The following PIP5K1A variants were observed in gnomAD, a reference collection of about 807,000 sequenced individuals.
PIP5K1A encodes the protein phosphatidylinositol 4-phosphate 5-kinase type-1 alpha.
A neutral mutation model predicts 72.9 loss-of-function variants in PIP5K1A; 46 were observed. The observed-to-expected ratio is 0.63, with a 90% CI of 0.50 to 0.81. The LOEUF (loss-of-function observed/expected upper bound fraction) is 0.81. Ranked by LOEUF, PIP5K1A falls within the 30% of genes least tolerant of loss-of-function variation. The probability of loss-of-function intolerance (pLI) is 0.00; values close to 1 mark genes in which losing one functional copy is unlikely to be tolerated. For missense variants in PIP5K1A, 458 were observed against 706.1 expected (o/e 0.65, Z 3.98); for synonymous variants, 228 against 255.1 (o/e 0.89, Z 1.01).
chr1:151,224,465 A>G, intron 3 of PIP5K1A, 59 bp downstream of exon 3: 3 of 1,201,186 alleles, frequency 2.5e-6, no homozygotes, highest in Non-Finnish European at 3.7e-6. Context: ...TATTAACAAT[A>G]TCTCACATTT....
chr1:151,198,316 C>G (rs1262384024), upstream of PIP5K1A, among the ~76,000 whole-genome samples: 1 of 151,940 alleles, frequency 6.6e-6, no homozygotes, highest in Non-Finnish European at 1.5e-5. Flanking sequence ...ACTCTTGTCC[C>G]GAGTTCAGAT....
In PIP5K1A at chr1:151,239,271, T is replaced by G. The variant is rs1691323202; in HGVS notation, c.1278+93T>G. 6.1e-6 allele frequency: 5 copies of G among 813,064 alleles called. No homozygotes were observed. In the Admixed American group the frequency reaches 1.2e-4, roughly 20 times the overall value. 50.4% of individuals were successfully genotyped at this position (813,064 alleles called of 1,614,324 possible). A position where few individuals can be genotyped will look rare whatever the true frequency, so the allele number is the denominator to read the frequency against. On this transcript the variant is annotated intron_variant, in intron 11 of 15. Coordinates refer to ENST00000368888, the MANE Select transcript of PIP5K1A (RefSeq NM_001135638.2). ...TTTCTTGCAATTTTTTCTTTTTTCT[T>G]TTTTCTTTTTTTTTTTTTTGAGACA...
At chr1:151,232,216 C>A in intron 5 of PIP5K1A, 32 bp from the exon 6 acceptor site, 1 of 1,421,856 alleles carries the variant, frequency 7.0e-7, no homozygotes, top group Non-Finnish European at 1.0e-6. Flanking sequence ...TAGGGACTGG[C>A]AAGTTATGGC....
chr1:151,205,634 C>T (rs980925129), intron 1 of PIP5K1A, among the ~76,000 whole-genome samples: 3 of 151,840 alleles, frequency 2.0e-5, no homozygotes, highest in African/African-American at 7.2e-5. Flanking sequence ...CCTGTCTCTA[C>T]AAAAAATACA....
intron 9 of PIP5K1A, among the ~76,000 whole-genome samples, chr1:151,237,850 TGAGTTAATTAG>T (rs1205456665): frequency 6.8e-6 from 1 of 146,382 alleles, no homozygotes; most frequent in Non-Finnish European, 1.5e-5. Context: ...CTGAAGAAGT[TGAGTTAATTAG>T]GAGAGCATTC....
intron 1 of PIP5K1A, 155 bp downstream of exon 1, chr1:151,199,236 G>T: frequency 7.2e-7 from 1 of 1,390,972 alleles, no homozygotes; most frequent in South Asian, 1.3e-5. Context: ...TGAGCGGGCA[G>T]GAGTTTGAGG....
chr1:151,239,123 C>A lies in PIP5K1A; in HGVS notation c.1230-7C>A. On this transcript the variant is annotated splice_polypyrimidine_tract_variant and splice_region_variant and intron_variant, in intron 10 of 15. Coordinates refer to ENST00000368888, the MANE Select transcript of PIP5K1A (RefSeq NM_001135638.2). ...ACGTGAGTAGGTGATGTACATTTTT[C>A]TTGCAGGTTTGTTAAGAAGTTGGAG... The A allele has an allele frequency of 6.2e-7, 1 of 1,606,762 alleles. No homozygotes were observed. Among genetic ancestry groups the A allele is most frequent in the Non-Finnish European group, 8.5e-7 (1 of 1,173,750 alleles).
chr1:151,225,926 G>A (rs1195953067), intron 3 of PIP5K1A, among the ~76,000 whole-genome samples: 5 of 150,046 alleles, frequency 3.3e-5, no homozygotes, highest in Admixed American at 2.0e-4. Flanking sequence ...AGAGATGCAC[G>A]CCACCACGCC....
upstream of PIP5K1A, among the ~76,000 whole-genome samples, chr1:151,195,925 C>T (rs1489961360): frequency 2.1e-5 from 2 of 94,422 alleles, no homozygotes; most frequent in Non-Finnish European, 3.8e-5. Flanking sequence ...GACGGAGTCT[C>T]GCTCTGTCGC....
intron 1 of PIP5K1A, among the ~76,000 whole-genome samples, chr1:151,200,981 C>T (rs1280135251): frequency 6.6e-6 from 1 of 152,106 alleles, no homozygotes; most frequent in South Asian, 2.1e-4. Flanking sequence ...AGGCGCCCAC[C>T]ACCACGCCTG....
At chr1:151,233,808 C>T (rs587761197) in intron 7 of PIP5K1A, 1 of 172,558 alleles carries the variant, frequency 5.8e-6, no homozygotes, top group East Asian at 1.6e-4. Context: ...CTTGGTAATA[C>T]TCTCTGCAGC....
intron 1 of PIP5K1A, among the ~76,000 whole-genome samples, chr1:151,205,656 G>T (rs1215059909): frequency 6.6e-6 from 1 of 152,010 alleles, no homozygotes; most frequent in African/African-American, 2.4e-5. Flanking sequence ...AAATTAGTCA[G>T]ACGTGGTGGC....
chr1:151,212,852 C>T (rs1185192075), intron 1 of PIP5K1A, among the ~76,000 whole-genome samples: 3 of 146,382 alleles, frequency 2.0e-5, no homozygotes, highest in Admixed American at 6.9e-5. Context: ...GGATTATACG[C>T]GTGAGCCACC....
intron 1 of PIP5K1A, among the ~76,000 whole-genome samples, chr1:151,221,329 T>C (rs1472822706): frequency 6.6e-6 from 1 of 152,154 alleles, no homozygotes; most frequent in Non-Finnish European, 1.5e-5. Context: ...GCAGGAATAA[T>C]TTGGCATTAA....
rs757092641 is a variant in PIP5K1A, at chr1:151,246,959, C to T, written c.1680C>T (p.Phe560=). The change falls in exon 15 of 16, where the codon TTC becomes TTT. Residue 560 remains phenylalanine, a synonymous_variant. Coordinates refer to ENST00000368888, the MANE Select transcript of PIP5K1A (RefSeq NM_001135638.2). ...LEKLEVAESE[F]TH is the part of the protein sequence containing the mutation. The stretch of plus-strand genomic sequence containing the variant: ...AGCTTGAAGTTGCAGAGTCAGAGTT[C>T]ACCCATGTGAGTATCTGGGATGTGT... 1 of 1,612,876 alleles carries T rather than the reference C, an allele frequency of 6.2e-7. No homozygotes were observed. Among genetic ancestry groups the T allele is most frequent in the Non-Finnish European group, 8.5e-7 (1 of 1,178,974 alleles).
chr1:151,231,905 A>C (rs2102620426), intron 5 of PIP5K1A, 104 bp downstream of exon 5: 1 of 1,049,334 alleles, frequency 9.5e-7, no homozygotes, highest in Non-Finnish European at 1.5e-6. Context: ...ACATGTGTCC[A>C]TTTCTTAACC....
intron 12 of PIP5K1A, among the ~76,000 whole-genome samples, chr1:151,241,295 A>T (rs752851748): frequency 6.6e-6 from 1 of 152,220 alleles, no homozygotes; most frequent in East Asian, 1.9e-4. Flanking sequence ...AGGTCCGGAG[A>T]TTGAGACCAT....
Position 151,198,870 on chromosome 1 carries a change from G to C in PIP5K1A, c.-127G>C. 1 of 890,736 alleles carries C rather than the reference G, an allele frequency of 1.1e-6. No homozygotes were observed. 55.2% of individuals were successfully genotyped at this position (890,736 alleles called of 1,614,324 possible). A position where few individuals can be genotyped will look rare whatever the true frequency, so the allele number is the denominator to read the frequency against. ...CTCGACGTGTCTGAGGGAGGCCCCGGAGGGGGCGGGGAGGTGGCCCACAGA... is the reference window on the plus strand; with the variant it reads ...CTCGACGTGTCTGAGGGAGGCCCCGCAGGGGGCGGGGAGGTGGCCCACAGA... On this transcript the variant is annotated 5_prime_UTR_variant, in exon 1 of 16. Transcript: ENST00000368888.
At chr1:151,240,121 G>A in intron 12 of PIP5K1A, 82 bp downstream of exon 12, 1 of 954,300 alleles carries the variant, frequency 1.0e-6, no homozygotes. Context: ...GGACACCTCT[G>A]GTAGGGAGCT....
Sources: gnomAD v4.1 joint callset for allele counts (sites outside exome capture counted in the v4.1 genomes callset) on GRCh38, gnomAD v4.1.1 for gene constraint, MANE v1.5 for transcripts, NCBI Gene and HGNC (gene_info 2026-07-23, HGNC 2026-07-21) for gene names.